The following MET variants were observed in gnomAD, a reference collection of about 807,000 sequenced individuals.
The protein encoded by MET is hepatocyte growth factor receptor.
Under a neutral mutation model 133.1 loss-of-function variants are expected in MET, and 48 were observed. The ratio of observed to expected loss-of-function variants is 0.36; its 90% CI spans 0.29 to 0.46. The LOEUF is 0.46. Ranked by LOEUF, MET falls within the 20% of genes least tolerant of loss-of-function variation. MET has a pLI of 1.00. For missense variants in MET, 1,442 were observed against 1,695.9 expected (o/e 0.85, Z 2.63); for synonymous variants, 628 against 616.5 (o/e 1.02, Z -0.28).
chr7:116,740,583 A>C (rs1793406226), intron 4 of MET, among the ~76,000 whole-genome samples: 1 of 152,214 alleles, frequency 6.6e-6, no homozygotes, highest in Non-Finnish European at 1.5e-5. Context: ...CAATGTCCCT[A>C]CTATGTAGAA....
Position 116,797,074 on chromosome 7 carries a change from G to T in MET, c.*950G>T, listed in dbSNP as rs1269602807. On this transcript the variant is annotated 3_prime_UTR_variant, in exon 21 of 21. Transcript: ENST00000397752. The stretch of plus-strand genomic sequence containing the variant: ...AAGAAAATTTGTATGAAATAATTTA[G>T]TCATCATGAAATATTTAGTTGTCAT... The T allele has an allele frequency of 2.6e-5, 5 of 191,080 alleles. No homozygotes were observed. The highest frequency in any genetic ancestry group is 6.1e-5 in the Admixed American group (1 of 16,296). The allele number at this position is 191,080 out of a possible 1,614,324, so 11.8% of individuals were successfully genotyped here. A position where few individuals can be genotyped will look rare whatever the true frequency, so the allele number is the denominator to read the frequency against.
At chr7:116,739,822 T>C (rs1440380089) in intron 3 of MET, 128 bp from the exon 4 acceptor site, 3 of 1,285,758 alleles carry the variant, frequency 2.3e-6, no homozygotes, top group Admixed American at 1.7e-5. Flanking sequence ...TGAGGGGAAC[T>C]GTTGGGTCTT....
chr7:116,726,143 G>GTATATATATA (rs1301312767), intron 2 of MET, among the ~76,000 whole-genome samples: 5 of 7,806 alleles, frequency 6.4e-4, no homozygotes, highest in Non-Finnish European at 1.4e-3. Context: ...CTATATATAT[G>GTATATATATA]TATATATATA....
intron 2 of MET, among the ~76,000 whole-genome samples, chr7:116,711,430 A>C (rs1791988964): frequency 6.6e-6 from 1 of 152,236 alleles, no homozygotes; most frequent in South Asian, 2.1e-4. Context: ...TTAATCAAGA[A>C]ATTTAATATT....
chr7:116,765,803 G>A (rs946804892), intron 11 of MET, among the ~76,000 whole-genome samples: 11 of 152,112 alleles, frequency 7.2e-5, no homozygotes, highest in African/African-American at 2.4e-4. Context: ...CCATGAGGTT[G>A]GGAGGTCAGT....
chr7:116,695,619 TA>T, intron 1 of MET: 1 of 277,566 alleles, frequency 3.6e-6, no homozygotes. Flanking sequence ...TGCTTCGGCA[TA>T]GTGAAGCACT....
chr7:116,674,281 C>T (rs189734950), intron 1 of MET, among the ~76,000 whole-genome samples: 12 of 152,182 alleles, frequency 7.9e-5, no homozygotes, highest in African/African-American at 4.8e-5. Context: ...CCAGTCAATA[C>T]GAAAGCTCAT....
intron 2 of MET, among the ~76,000 whole-genome samples, chr7:116,713,373 C>A (rs559736533): frequency 8.3e-5 from 12 of 144,472 alleles, no homozygotes; most frequent in Non-Finnish European, 1.8e-4. Flanking sequence ...CCAGCCTGGG[C>A]GACAGAGCGA....
rs577487381 is a variant in MET, at chr7:116,680,680, G to A, written c.-15+8103G>A. On this transcript the variant is annotated intron_variant, in intron 1 of 20. Coordinates refer to ENST00000397752, the MANE Select transcript of MET (RefSeq NM_000245.4). ...GTATAGGCCAGGCACAGTGGCTCAC[G>A]CTTGTAATCCCAGCACTTTAGGAGG... Among the ~76,000 whole-genome samples, 14 of 152,248 alleles carry A rather than the reference G, an allele frequency of 9.2e-5. No individual in the cohort carries two copies. In the South Asian group the frequency reaches 2.5e-3, roughly 27 times the overall value.
In MET at chr7:116,758,472, A is replaced by G; in HGVS notation, c.2116A>G (p.Ile706Val). Reference protein sequence around the residue: ...TCTLKSVSNSILECYTPAQTI... With the variant: ...TCTLKSVSNSVLECYTPAQTI... ...TTTTTTGTTCAGTGTGTCAAACAGTATTCTTGAATGTTATACCCCAGCCCA... is the reference window on the plus strand; with the variant it reads ...TTTTTTGTTCAGTGTGTCAAACAGTGTTCTTGAATGTTATACCCCAGCCCA... The change falls in exon 9 of 21, where the codon ATT (isoleucine) becomes GTT (valine). Residue 706 changes from isoleucine (I) to valine (V), a missense_variant. Ile to Val is a conservative substitution (Grantham distance 29). Around this residue, in one of 6 missense-constraint regions of MET, gnomAD observed 514 missense variants for 659.6 expected, o/e 0.78. Transcript: ENST00000397752. 1.2e-6 allele frequency: 2 copies of G among 1,613,762 alleles called. No homozygotes were observed. Among genetic ancestry groups the G allele is most frequent in the Non-Finnish European group, 8.5e-7 (1 of 1,179,764 alleles).
At chr7:116,718,523 G>A (rs927700399) in intron 2 of MET, among the ~76,000 whole-genome samples, 14 of 151,510 alleles carry the variant, frequency 9.2e-5, no homozygotes, top group African/African-American at 3.4e-4. Flanking sequence ...TTAAGTTTTA[G>A]GATACATGTG....
intron 12 of MET, 96 bp from the exon 13 acceptor site, chr7:116,771,401 TA>T: frequency 7.3e-7 from 1 of 1,375,606 alleles, no homozygotes; most frequent in Non-Finnish European, 1.0e-6. Flanking sequence ...AGAATGGTAA[TA>T]ACCAGTTGGT....
At chr7:116,768,910 C>G (rs1216885275) in intron 11 of MET, among the ~76,000 whole-genome samples, 1 of 152,124 alleles carries the variant, frequency 6.6e-6, no homozygotes, top group East Asian at 1.9e-4. Flanking sequence ...CTTCAGTTAA[C>G]TAAATATGCC....
intron 2 of MET, among the ~76,000 whole-genome samples, chr7:116,727,483 T>C (rs539414123): frequency 9.3e-5 from 14 of 150,526 alleles, no homozygotes; most frequent in African/African-American, 3.3e-4. Context: ...CTCCCTCCCT[T>C]CCTTCCTTCC....
At chr7:116,722,120 A>G (rs1042664105) in intron 2 of MET, among the ~76,000 whole-genome samples, 11 of 151,368 alleles carry the variant, frequency 7.3e-5, no homozygotes, top group African/African-American at 7.3e-5. Context: ...GTGGGAGTCT[A>G]AGTCTCTTTG....
intron 5 of MET, among the ~76,000 whole-genome samples, chr7:116,742,193 TC>T (rs566813792): frequency 4.7e-4 from 71 of 152,346 alleles, no homozygotes; most frequent in African/African-American, 1.6e-3. Context: ...ATGGCTGTTT[TC>T]ATTTAGTTAC....
At chr7:116,677,484 A>G (rs1174873642) in intron 1 of MET, among the ~76,000 whole-genome samples, 3 of 152,236 alleles carry the variant, frequency 2.0e-5, no homozygotes, top group Non-Finnish European at 4.4e-5. Context: ...TGTGAGGCTC[A>G]GTGTATGGCA....
intron 1 of MET, among the ~76,000 whole-genome samples, chr7:116,684,766 G>GA (rs1796488149): frequency 6.6e-6 from 1 of 152,048 alleles, no homozygotes; most frequent in African/African-American, 2.4e-5. Flanking sequence ...GAGTGGGGCA[G>GA]AAAAAAATGG....
rs555011707 is a variant in MET at position 116,672,511 on chromosome 7, G to T, written c.-81G>T. 3.2e-3 allele frequency: 1,258 copies of T among 397,950 alleles called. 23 individuals carry two copies. Among genetic ancestry groups the T allele is most frequent in the Non-Finnish European group, 2.0e-4 (46 of 225,698 alleles). The allele number at this position is 397,950 out of a possible 1,614,324, so 24.7% of individuals were successfully genotyped here. A position where few individuals can be genotyped will look rare whatever the true frequency, so the allele number is the denominator to read the frequency against. ...CAGCTGACTTGCTGAGAGGAGGCGG[G>T]GAGGCGCGGAGCGCGCGTGTGGTCC... On this transcript the variant is annotated 5_prime_UTR_variant, in exon 1 of 21. Coordinates refer to ENST00000397752, the MANE Select transcript of MET (RefSeq NM_000245.4).
Sources: gnomAD v4.1 joint callset for allele counts (sites outside exome capture counted in the v4.1 genomes callset) on GRCh38, gnomAD v4.1.1 for gene constraint, gnomAD v4.1.1 regional missense constraint, MANE v1.5 for transcripts, NCBI Gene and HGNC (gene_info 2026-07-23, HGNC 2026-07-21) for gene names.